SFMBT1: variants seen among roughly 807,000 people sequenced by gnomAD.
SFMBT1 encodes Scm like with four mbt domains 1.
In SFMBT1, 32 loss-of-function variants were observed where a neutral mutation model predicts 108.7. The ratio of observed to expected loss-of-function variants is 0.29; its 90% CI spans 0.22 to 0.40. The LOEUF (loss-of-function observed/expected upper bound fraction) is 0.40. SFMBT1 is among the 10% of genes least tolerant of loss of function. The pLI is 1.00. For synonymous variants in SFMBT1, 348 were observed against 369.5 expected (o/e 0.94, Z 0.67); for missense variants, 816 against 1,059.6 (o/e 0.77, Z 3.19).
chr3:52,934,418 A>C (rs1412565364), intron 5 of SFMBT1, among the ~76,000 whole-genome samples: 1 of 140,270 alleles, frequency 7.1e-6, no homozygotes, highest in Non-Finnish European at 1.5e-5. Flanking sequence ...AATAGATCCA[A>C]TGTGTTCCAA....
chr3:52,943,278 A>C, intron 4 of SFMBT1, 75 bp downstream of exon 4: 1 of 1,581,904 alleles, frequency 6.3e-7, no homozygotes, highest in Non-Finnish European at 8.6e-7. Flanking sequence ...GAGACTTAAA[A>C]CCTCAAGACT....
chr3:53,035,564 G>A (rs1311913463), intron 1 of SFMBT1, among the ~76,000 whole-genome samples: 1 of 152,164 alleles, frequency 6.6e-6, no homozygotes, highest in African/African-American at 2.4e-5. Flanking sequence ...GTTCATGTTG[G>A]TAGAATAGCA....
intron 3 of SFMBT1, among the ~76,000 whole-genome samples, chr3:52,947,734 A>T (rs1047736695): frequency 3.3e-4 from 47 of 140,988 alleles, no homozygotes; most frequent in Admixed American, 8.5e-4. Context: ...CTATATATGT[A>T]TTTTTTTTTT....
At chr3:52,974,526 T>C (rs1463782062) in intron 1 of SFMBT1, among the ~76,000 whole-genome samples, 2 of 152,204 alleles carry the variant, frequency 1.3e-5, no homozygotes, top group African/African-American at 2.4e-5. Context: ...AATGCCAACA[T>C]AACTCAGGGG....
At chr3:53,045,166 G>C (rs1281889882) in intron 1 of SFMBT1, 2 of 150,948 alleles carry the variant, frequency 1.3e-5, no homozygotes, top group Non-Finnish European at 3.0e-5. Context: ...CCGGCGGGCC[G>C]CGGCGCGGGA....
intron 1 of SFMBT1, among the ~76,000 whole-genome samples, chr3:53,006,860 C>A (rs1280685173): frequency 1.3e-5 from 2 of 152,146 alleles, no homozygotes; most frequent in Non-Finnish European, 2.9e-5. Flanking sequence ...TAAAGTAGAA[C>A]ATTTGCTATA....
In SFMBT1 at chr3:52,904,325, TG is replaced by T. The variant is rs770924000; in HGVS notation, c.*810del. On this transcript the variant is annotated 3_prime_UTR_variant, in exon 21 of 21. Coordinates refer to ENST00000394752, the MANE Select transcript of SFMBT1 (RefSeq NM_016329.4). ...GTTACTTAACACAGGCAGCCTCGGC[TG>T]GGTCAAGATGGAGAACAGTAACAGT... 3 of 152,242 alleles carry T rather than the reference TG, an allele frequency of 2.0e-5. No homozygotes were observed. Among genetic ancestry groups the T allele is most frequent in the African/African-American group, 4.8e-5 (2 of 41,458 alleles). 9.4% of individuals were successfully genotyped at this position (152,242 alleles called of 1,614,324 possible). A position where few individuals can be genotyped will look rare whatever the true frequency, so the allele number is the denominator to read the frequency against.
chr3:52,913,066 G>A (rs577119170), intron 15 of SFMBT1, among the ~76,000 whole-genome samples: 5 of 152,348 alleles, frequency 3.3e-5, no homozygotes, highest in Non-Finnish European at 4.4e-5. Context: ...CCTGAGGGCT[G>A]AAAGGTCTCT....
Position 52,930,433 on chromosome 3 carries a change from G to T in SFMBT1, c.796-3C>A. 6.4e-7 allele frequency: 1 copy of T among 1,568,716 alleles called. No homozygotes were observed. Among genetic ancestry groups the T allele is most frequent in the African/African-American group, 1.4e-5 (1 of 74,050 alleles). On this transcript the variant is annotated splice_region_variant and splice_polypyrimidine_tract_variant and intron_variant, in intron 7 of 20. Coordinates refer to ENST00000394752, the MANE Select transcript of SFMBT1 (RefSeq NM_016329.4). ...TGAATGCCAATAACTTGTTTGTCCT[G>T]AAATGCAGACACCAAAAGGGGATGA... is the stretch of plus-strand genomic sequence containing the variant.
At chr3:52,989,712 T>A (rs903486859) in intron 1 of SFMBT1, among the ~76,000 whole-genome samples, 2 of 151,500 alleles carry the variant, frequency 1.3e-5, no homozygotes, top group Non-Finnish European at 2.9e-5. Flanking sequence ...GAGAATTGCT[T>A]GAACCTGGGA....
intron 1 of SFMBT1, among the ~76,000 whole-genome samples, chr3:53,043,890 C>G (rs139131782): frequency 1.3e-5 from 2 of 152,300 alleles, no homozygotes; most frequent in African/African-American, 2.4e-5. Context: ...CAAAAGGGTC[C>G]TGTTTTGAGG....
intron 1 of SFMBT1, among the ~76,000 whole-genome samples, chr3:53,028,569 A>T (rs1004468628): frequency 3.3e-5 from 5 of 152,088 alleles, no homozygotes; most frequent in African/African-American, 4.8e-5. Flanking sequence ...GCTACTCGGG[A>T]GGCTGAGATG....
At chr3:52,989,459 GAAAC>G (rs1215823917) in intron 1 of SFMBT1, among the ~76,000 whole-genome samples, 1 of 128,844 alleles carries the variant, frequency 7.8e-6, no homozygotes, top group Non-Finnish European at 1.7e-5. Flanking sequence ...AAGAAAGAAA[GAAAC>G]ATGCCTTCCA....
intron 3 of SFMBT1, among the ~76,000 whole-genome samples, chr3:52,951,200 T>C (rs1703579985): frequency 9.0e-6 from 1 of 111,712 alleles, no homozygotes; most frequent in African/African-American, 3.5e-5. Context: ...AAACACACAT[T>C]CCTTCTCTAA....
intron 13 of SFMBT1, among the ~76,000 whole-genome samples, 180 bp from the exon 14 acceptor site, chr3:52,916,394 G>T (rs1224363223): frequency 1.1e-4 from 16 of 148,628 alleles, no homozygotes; most frequent in African/African-American, 4.0e-4. Flanking sequence ...GAACAAGGCT[G>T]GATGCGGTGG....
intron 1 of SFMBT1, among the ~76,000 whole-genome samples, chr3:53,041,819 G>A (rs367792262): frequency 1.0e-4 from 15 of 149,116 alleles, no homozygotes; most frequent in East Asian, 5.9e-4. Flanking sequence ...TTAAAATCTC[G>A]CAAGTAACCA....
At chr3:52,936,026 T>C (rs1702996395) in intron 4 of SFMBT1, among the ~76,000 whole-genome samples, 1 of 152,164 alleles carries the variant, frequency 6.6e-6, no homozygotes, top group Non-Finnish European at 1.5e-5. Context: ...CAGGTTAGAC[T>C]TTGCGGGGTG....
rs373455231 is a variant in SFMBT1, at chr3:52,943,740, C to G, written c.124-147G>C. The G allele has an allele frequency of 1.5e-4, 148 of 1,017,486 alleles. No homozygotes were observed. In the African/African-American group the frequency reaches 2.0e-3, roughly 14 times the overall value. The allele number at this position is 1,017,486 out of a possible 1,614,324, so 63.0% of individuals were successfully genotyped here. ...CCTGAGAAATTCCAATTCTAACTTA[C>G]AGAAGCAATCCAGATAAAACAAACG... On this transcript the variant is annotated intron_variant, in intron 3 of 20. Coordinates refer to ENST00000394752, the MANE Select transcript of SFMBT1 (RefSeq NM_016329.4).
intron 1 of SFMBT1, among the ~76,000 whole-genome samples, chr3:52,972,059 T>C (rs767504999): frequency 2.0e-5 from 3 of 152,248 alleles, no homozygotes; most frequent in Non-Finnish European, 4.4e-5. Flanking sequence ...TCTCCACATA[T>C]AAAGTCTTGA....
Sources: gnomAD v4.1 joint callset for allele counts (sites outside exome capture counted in the v4.1 genomes callset) on GRCh38, gnomAD v4.1.1 for gene constraint, MANE v1.5 for transcripts, NCBI Gene and HGNC (gene_info 2026-07-23, HGNC 2026-07-21) for gene names.